Variants in MACROD2 observed in about 807,000 individuals in gnomAD.
MACROD2 encodes mono-ADP ribosylhydrolase 2.
MACROD2 carries 36 observed loss-of-function variants against 70.4 expected under a neutral mutation model. The observed-to-expected ratio is 0.51, with a 90% CI of 0.39 to 0.68. The LOEUF (loss-of-function observed/expected upper bound fraction) is 0.68, where lower values mean the gene tolerates loss of function less well. Among genes scored for constraint, MACROD2 ranks in the 30% least tolerant of loss-of-function variants. The probability of loss-of-function intolerance (pLI) is 0.00; values close to 1 mark genes in which losing one functional copy is unlikely to be tolerated. For missense variants in MACROD2, 496 were observed against 538.4 expected (o/e 0.92, Z 0.78); for synonymous variants, 172 against 178.8 (o/e 0.96, Z 0.30).
At chr20:14,305,364 G>A (rs1381927201) in intron 3 of MACROD2, among the ~76,000 whole-genome samples, 1 of 151,924 alleles carries the variant, frequency 6.6e-6, no homozygotes, top group Non-Finnish European at 1.5e-5. Context: ...ACCTTCATGA[G>A]TGCGTACATA....
intron 8 of MACROD2, among the ~76,000 whole-genome samples, chr20:15,749,975 C>T (rs868089234): frequency 8.5e-5 from 13 of 152,050 alleles, no homozygotes; most frequent in Admixed American, 2.6e-4. Flanking sequence ...CTCAAAAGCA[C>T]AGGCAACAGA....
chr20:14,668,811 A>G (rs780102684), intron 4 of MACROD2, among the ~76,000 whole-genome samples: 1 of 151,982 alleles, frequency 6.6e-6, no homozygotes, highest in Non-Finnish European at 1.5e-5. Context: ...AGAAGTTATG[A>G]GGGCAAAATC....
At chr20:15,088,730 T>G (rs2075771863) in intron 5 of MACROD2, among the ~76,000 whole-genome samples, 1 of 151,718 alleles carries the variant, frequency 6.6e-6, no homozygotes, top group South Asian at 2.1e-4. Flanking sequence ...ATATAATAAC[T>G]CTAACTTAAA....
Position 14,589,829 on chromosome 20 carries a change from C to T in MACROD2, c.302-95014C>T, listed in dbSNP as rs192341445. On this transcript the variant is annotated intron_variant, in intron 4 of 17. Transcript: ENST00000684519. ...AAATGGTACATCTGTGTGCAGTTCA[C>T]TAAATGCTACATACTGCTGTATGGC... 1.3e-4 allele frequency among the ~76,000 whole-genome samples: 20 copies of T among 152,248 alleles called. No individual in the cohort carries two copies. In the East Asian group the frequency reaches 3.7e-3, roughly 28 times the overall value.
At chr20:15,716,277 G>T (rs980907594) in intron 8 of MACROD2, among the ~76,000 whole-genome samples, 1 of 152,190 alleles carries the variant, frequency 6.6e-6, no homozygotes, top group Non-Finnish European at 1.5e-5. Context: ...GTTAGAGGAA[G>T]AATCTCTCCT....
At chr20:14,400,929 T>A (rs2083631210) in intron 3 of MACROD2, among the ~76,000 whole-genome samples, 1 of 152,252 alleles carries the variant, frequency 6.6e-6, no homozygotes, top group African/African-American at 2.4e-5. Flanking sequence ...ATGGTAAATG[T>A]TCTTTGGTGT....
At chr20:14,879,730 G>A (rs1378543288) in intron 5 of MACROD2, among the ~76,000 whole-genome samples, 1 of 152,120 alleles carries the variant, frequency 6.6e-6, no homozygotes, top group Non-Finnish European at 1.5e-5. Context: ...AAGACAATTG[G>A]TCATTGTGCT....
chr20:14,085,016 T>C lies in MACROD2; in HGVS notation c.164-605T>C, dbSNP rs1207723683. ...GGTGGCTCATGCCTGTAATTCCAGC[T>C]ACTTGGTTGGGGGGTGGGGGGGTGG... On this transcript the variant is annotated intron_variant, in intron 2 of 17. Coordinates refer to ENST00000684519, the MANE Select transcript of MACROD2 (RefSeq NM_001351661.2). Among the ~76,000 whole-genome samples the C allele has an allele frequency of 3.1e-5, 3 of 95,594 alleles. No individual in the cohort carries two copies. In the Admixed American group the frequency reaches 4.2e-4, roughly 13 times the overall value. 62.7% of individuals were successfully genotyped at this position (95,594 alleles called of 152,430 possible).
chr20:15,674,469 T>C (rs1281517844), intron 8 of MACROD2, among the ~76,000 whole-genome samples: 1 of 151,946 alleles, frequency 6.6e-6, no homozygotes, highest in Non-Finnish European at 1.5e-5. Context: ...ATAATAGAAT[T>C]ATCATTACAT....
chr20:15,168,605 G>C (rs952010075), intron 5 of MACROD2, among the ~76,000 whole-genome samples: 2 of 152,022 alleles, frequency 1.3e-5, no homozygotes, highest in Admixed American at 1.3e-4. Flanking sequence ...AAGGCCAAAA[G>C]GTGGAAACAA....
At chr20:14,845,324 A>G (rs1263950581) in intron 5 of MACROD2, among the ~76,000 whole-genome samples, 1 of 152,126 alleles carries the variant, frequency 6.6e-6, no homozygotes, top group Non-Finnish European at 1.5e-5. Flanking sequence ...AGAGAGGATT[A>G]TATGGCTGAA....
chr20:15,113,339 T>G (rs1227626958), intron 5 of MACROD2, among the ~76,000 whole-genome samples: 1 of 152,184 alleles, frequency 6.6e-6, no homozygotes, highest in Non-Finnish European at 1.5e-5. Context: ...ATGCTTTTAT[T>G]GTGTATTGGT....
At chr20:15,443,011 C>T (rs1313084222) in intron 7 of MACROD2, among the ~76,000 whole-genome samples, 4 of 151,968 alleles carry the variant, frequency 2.6e-5, no homozygotes, top group Non-Finnish European at 5.9e-5. Context: ...TTTTTTGGTA[C>T]CAAAACTCCT....
At chr20:14,388,380 A>G (rs2083490499) in intron 3 of MACROD2, among the ~76,000 whole-genome samples, 1 of 151,938 alleles carries the variant, frequency 6.6e-6, no homozygotes, top group Admixed American at 6.6e-5. Flanking sequence ...GGTAGTTGGG[A>G]CTCTGATGTC....
intron 5 of MACROD2, among the ~76,000 whole-genome samples, chr20:15,193,461 A>C (rs181338678): frequency 3.3e-5 from 5 of 152,074 alleles, no homozygotes; most frequent in African/African-American, 1.2e-4. Context: ...TGGGCAACAT[A>C]GCAAGACCCC....
intron 2 of MACROD2, among the ~76,000 whole-genome samples, chr20:14,058,606 T>G (rs1383591332): frequency 6.6e-6 from 1 of 151,464 alleles, no homozygotes; most frequent in African/African-American, 2.4e-5. Flanking sequence ...CTAGAGGAGT[T>G]CTATTCATTT....
chr20:15,067,045 C>G (rs1601022932), intron 5 of MACROD2, among the ~76,000 whole-genome samples: 1 of 152,228 alleles, frequency 6.6e-6, no homozygotes, highest in Middle Eastern at 3.4e-3. Context: ...CAGGCTGTTT[C>G]TCATTTTATC....
chr20:14,993,187 G>A (rs930945428), intron 5 of MACROD2, among the ~76,000 whole-genome samples: 2 of 151,748 alleles, frequency 1.3e-5, no homozygotes, highest in African/African-American at 2.4e-5. Flanking sequence ...ACTGCCCCTT[G>A]CTATTCGTGA....
In MACROD2 at chr20:14,345,049, G is replaced by C. The variant is rs1311105085; in HGVS notation, c.272-148430G>C. ...AAGGATTTTGACTGACCAAAGAGTA[G>C]GAAAGGACTAGCAAAATATAAATGT... is the stretch of plus-strand genomic sequence containing the variant. On this transcript the variant is annotated intron_variant, in intron 3 of 17. Coordinates refer to ENST00000684519, the MANE Select transcript of MACROD2 (RefSeq NM_001351661.2). Among the ~76,000 whole-genome samples the C allele has an allele frequency of 1.8e-4, 27 of 152,246 alleles. No individual in the cohort carries two copies. The South Asian group carries it at 5.6e-3, about 32-fold the overall frequency.
Sources: gnomAD v4.1 joint callset for allele counts (sites outside exome capture counted in the v4.1 genomes callset) on GRCh38, gnomAD v4.1.1 for gene constraint, MANE v1.5 for transcripts, NCBI Gene and HGNC (gene_info 2026-07-23, HGNC 2026-07-21) for gene names.